Variants in WNT4 observed in about 807,000 individuals in gnomAD.
The protein encoded by WNT4 is protein Wnt-4.
A neutral mutation model predicts 34.5 loss-of-function variants in WNT4; 16 were observed. That is an observed-to-expected ratio of 0.46 (90% CI 0.31 to 0.70). The LOEUF is 0.70. Among genes scored for constraint, WNT4 ranks in the 30% least tolerant of loss-of-function variants. The pLI is 0.04. For synonymous variants in WNT4, 200 were observed against 211.9 expected (o/e 0.94, Z 0.49); for missense variants, 379 against 495.9 (o/e 0.76, Z 2.24).
rs187289861 is a variant in WNT4, at chr1:22,134,031, G to A, written c.78-4180C>T. ...CTCTGCGACTCCTCCCAGCTCTTAC[G>A]CTGTGAGTCAAGAGGAGAGGGGACG... On this transcript the variant is annotated intron_variant, in intron 1 of 4. Transcript: ENST00000290167. This position sits in a 1 kb window ranked among gnomAD's most constrained non-coding sequence, Gnocchi z 4.1. Among the ~76,000 whole-genome samples, 328 of 152,254 alleles carry A rather than the reference G, an allele frequency of 2.2e-3. No individual in the cohort carries two copies. Among genetic ancestry groups the A allele is most frequent in the Non-Finnish European group, 3.7e-3 (253 of 68,036 alleles).
chr1:22,129,906 C>T (rs949221468), intron 1 of WNT4, 55 bp from the exon 2 acceptor site: 21 of 1,588,488 alleles, frequency 1.3e-5, no homozygotes, highest in East Asian at 4.5e-5. Flanking sequence ...TTCCTGGCCC[C>T]GGACCAGGCC....
At position 22,139,126 on chromosome 1, in the gene WNT4, G is replaced by A. The variant is rs964210133; in HGVS notation, c.77+3720C>T. 1.3e-5 allele frequency among the ~76,000 whole-genome samples: 2 copies of A among 152,194 alleles called. No individual in the cohort carries two copies. The highest frequency in any genetic ancestry group is 4.8e-5 in the African/African-American group (2 of 41,454). On this transcript the variant is annotated intron_variant, in intron 1 of 4. Transcript: ENST00000290167. The surrounding 1 kb of genome is among the most constrained non-coding windows in gnomAD (Gnocchi z 4.6). ...CTAGGATCCTACCTGTGTTAAATCA[G>A]TGGATCTGGGTGGGACAGCCTGGGA...
Position 22,142,312 on chromosome 1 carries a change from C to T in WNT4, c.77+534G>A, listed in dbSNP as rs898785315. Among the ~76,000 whole-genome samples the T allele has an allele frequency of 3.9e-5, 6 of 152,040 alleles. No individual in the cohort carries two copies. Among genetic ancestry groups the T allele is most frequent in the African/African-American group, 1.4e-4 (6 of 41,404 alleles). On this transcript the variant is annotated intron_variant, in intron 1 of 4. Coordinates refer to ENST00000290167, the MANE Select transcript of WNT4 (RefSeq NM_030761.5). The surrounding 1 kb of genome is among the most constrained non-coding windows in gnomAD (Gnocchi z 6.0). ...CCCTGGGAGACCAGGCGTCCTGGTC[C>T]CTTCCTTCTGTCTCCGGCTCCCGCC... is the stretch of plus-strand genomic sequence containing the variant.
intron 1 of WNT4, among the ~76,000 whole-genome samples, chr1:22,141,926 G>C (rs1400944482): frequency 6.6e-6 from 1 of 152,200 alleles, no homozygotes; most frequent in African/African-American, 2.4e-5. Flanking sequence ...TGCCCACAGC[G>C]GATGGTGGCA....
chr1:22,140,046 CCCTT>C lies in WNT4; in HGVS notation c.77+2796_77+2799del. The C allele has an allele frequency of 9.6e-6, 4 of 418,834 alleles. No homozygotes were observed. The highest frequency in any genetic ancestry group is 1.3e-5 in the Non-Finnish European group (4 of 311,872). 25.9% of individuals were successfully genotyped at this position (418,834 alleles called of 1,614,324 possible). A position where few individuals can be genotyped will look rare whatever the true frequency, so the allele number is the denominator to read the frequency against. On this transcript the variant is annotated intron_variant, in intron 1 of 4. Transcript: ENST00000290167. The surrounding 1 kb of genome is among the most constrained non-coding windows in gnomAD (Gnocchi z 5.9). ...CCTGGCCTCCCCACCAGGCCACCTG[CCCTT>C]CTGAGACAACAGATAGTCCTGGCTC...
At chr1:22,121,802 A>ATTCAG (rs1645901009) in intron 2 of WNT4, among the ~76,000 whole-genome samples, 1 of 152,206 alleles carries the variant, frequency 6.6e-6, no homozygotes, top group Non-Finnish European at 1.5e-5. Flanking sequence ...AAACGTGCAG[A>ATTCAG]TGCTGTCATC....
In WNT4 at chr1:22,139,756, A is replaced by G. The variant is rs1646051161; in HGVS notation, c.77+3090T>C. Among the ~76,000 whole-genome samples the G allele has an allele frequency of 3.9e-5, 6 of 152,282 alleles. No homozygotes were observed. The South Asian group carries it at 1.2e-3, about 32-fold the overall frequency. On this transcript the variant is annotated intron_variant, in intron 1 of 4. Transcript: ENST00000290167. The surrounding 1 kb of genome is among the most constrained non-coding windows in gnomAD (Gnocchi z 4.6). The stretch of plus-strand genomic sequence containing the variant: ...TCCCGGTACAGCCTCAGTGCAGGGA[A>G]GAGGGGACATTAGAAACATTTCTGA...
At chr1:22,141,649 C>T (rs532576263) in intron 1 of WNT4, among the ~76,000 whole-genome samples, 2 of 152,318 alleles carry the variant, frequency 1.3e-5, no homozygotes, top group African/African-American at 4.8e-5. Context: ...TCCACATCAC[C>T]TCCGTCCCCC....
At chr1:22,123,662 A>T (rs927588891) in intron 2 of WNT4, among the ~76,000 whole-genome samples, 2 of 152,188 alleles carry the variant, frequency 1.3e-5, no homozygotes, top group Non-Finnish European at 2.9e-5. Flanking sequence ...TTGTCCAACA[A>T]TACCCAGCCA....
At position 22,134,126 on chromosome 1, in the gene WNT4, G is replaced by C. The variant is rs1646004194; in HGVS notation, c.78-4275C>G. On this transcript the variant is annotated intron_variant, in intron 1 of 4. Transcript: ENST00000290167. The surrounding 1 kb of genome is among the most constrained non-coding windows in gnomAD (Gnocchi z 4.1). The stretch of plus-strand genomic sequence containing the variant: ...GGGTCCCGGCCCTGCGGGTGTCCAG[G>C]TGGGGGCTGGGACGCCAGCGCAGGC... Among the ~76,000 whole-genome samples, 2 of 152,234 alleles carry C rather than the reference G, an allele frequency of 1.3e-5. No individual in the cohort carries two copies. Among genetic ancestry groups the C allele is most frequent in the South Asian group, 4.1e-4 (2 of 4,830 alleles).
At chr1:22,121,653 A>G (rs1332053079) in intron 2 of WNT4, 77 bp from the exon 3 acceptor site, 1 of 1,570,322 alleles carries the variant, frequency 6.4e-7, no homozygotes, top group East Asian at 2.3e-5. Flanking sequence ...GGGGAGGGGC[A>G]TATGGAGCCT....
At position 22,129,927 on chromosome 1, in the gene WNT4, C is replaced by T. The variant is rs563198636; in HGVS notation, c.78-76G>A. 48 of 1,548,956 alleles carry T rather than the reference C, an allele frequency of 3.1e-5. No homozygotes were observed. The African/African-American group carries it at 5.8e-4, about 19-fold the overall frequency. On this transcript the variant is annotated intron_variant, in intron 1 of 4. Coordinates refer to ENST00000290167, the MANE Select transcript of WNT4 (RefSeq NM_030761.5). ...GCCCCGGACCAGGCCTGAGCTCCAG[C>T]CCGGGTCTCTGGGAACTGACTCGTC...
In WNT4 at chr1:22,142,452, A is replaced by G. The variant is rs1646077539; in HGVS notation, c.77+394T>C. Among the ~76,000 whole-genome samples the G allele has an allele frequency of 6.6e-6, 1 of 152,104 alleles. No homozygotes were observed. Among genetic ancestry groups the G allele is most frequent in the Admixed American group, 6.5e-5 (1 of 15,284 alleles). Reference sequence around the variant, plus strand: ...GACTTCTCGGGATTAACCTGCTATTATGTCCCGGAGCCCTTCCCTGCAATG... The same window carrying G: ...GACTTCTCGGGATTAACCTGCTATTGTGTCCCGGAGCCCTTCCCTGCAATG... On this transcript the variant is annotated intron_variant, in intron 1 of 4. Transcript: ENST00000290167. This position sits in a 1 kb window ranked among gnomAD's most constrained non-coding sequence, Gnocchi z 6.0.
chr1:22,121,029 CGCCT>C (rs1413230355), intron 4 of WNT4, among the ~76,000 whole-genome samples, 178 bp downstream of exon 4: 1 of 152,124 alleles, frequency 6.6e-6, no homozygotes, highest in African/African-American at 2.4e-5. Context: ...CATTCTGTAA[CGCCT>C]GCCTGCCTGT....
Position 22,140,128 on chromosome 1 carries a change from G to A in WNT4, c.77+2718C>T, listed in dbSNP as rs759777836. On this transcript the variant is annotated intron_variant, in intron 1 of 4. Transcript: ENST00000290167. This position sits in a 1 kb window ranked among gnomAD's most constrained non-coding sequence, Gnocchi z 5.9. ...GACTCCAGGGTATTGGGAGGCGAGC[G>A]GAACCTAGACCTTGCTCCTTGGCAG... The A allele has an allele frequency of 3.6e-5, 35 of 965,944 alleles. No individual in the cohort carries two copies. The highest frequency in any genetic ancestry group is 5.3e-4 in the Middle Eastern group (1 of 1,904). The allele number at this position is 965,944 out of a possible 1,614,324, so 59.8% of individuals were successfully genotyped here.
chr1:22,123,341 A>T (rs904967493), intron 2 of WNT4, among the ~76,000 whole-genome samples: 1 of 152,050 alleles, frequency 6.6e-6, no homozygotes, highest in Admixed American at 6.5e-5. Flanking sequence ...GCCACCAGGG[A>T]GGTTGCTCAG....
intron 1 of WNT4, among the ~76,000 whole-genome samples, chr1:22,130,141 G>T (rs1645972082): frequency 6.6e-6 from 1 of 152,190 alleles, no homozygotes. Flanking sequence ...CCCTGCCCTG[G>T]CAGCCCCCGT....
In WNT4 at chr1:22,140,099, C is replaced by A; in HGVS notation, c.77+2747G>T. ...TCTCGCCACTGGCCAGCAGACCCAC[C>A]CTGGACTCCAGGGTATTGGGAGGCG... On this transcript the variant is annotated intron_variant, in intron 1 of 4. Transcript: ENST00000290167. This position sits in a 1 kb window ranked among gnomAD's most constrained non-coding sequence, Gnocchi z 5.9. The A allele has an allele frequency of 1.2e-6, 1 of 868,018 alleles. No individual in the cohort carries two copies. The allele number at this position is 868,018 out of a possible 1,614,324, so 53.8% of individuals were successfully genotyped here. A position where few individuals can be genotyped will look rare whatever the true frequency, so the allele number is the denominator to read the frequency against.
At position 22,117,671 on chromosome 1, in the gene WNT4, G is replaced by A. The variant is rs1645860092; in HGVS notation, c.*2379C>T. ...CTTTGATCTCTGCAGCACTGGCGGT[G>A]GTTGGCCTGGGCAGTGGTTCCTAGA... On this transcript the variant is annotated 3_prime_UTR_variant, in exon 5 of 5. Coordinates refer to ENST00000290167, the MANE Select transcript of WNT4 (RefSeq NM_030761.5). The A allele has an allele frequency of 6.6e-6, 1 of 152,378 alleles. No homozygotes were observed. Among genetic ancestry groups the A allele is most frequent in the African/African-American group, 2.4e-5 (1 of 41,468 alleles). 9.4% of individuals were successfully genotyped at this position (152,378 alleles called of 1,614,324 possible).
Sources: gnomAD v4.1 joint callset for allele counts (sites outside exome capture counted in the v4.1 genomes callset) on GRCh38, gnomAD v4.1.1 for gene constraint, Gnocchi (gnomAD v3.1) non-coding constraint, MANE v1.5 for transcripts, NCBI Gene and HGNC (gene_info 2026-07-23, HGNC 2026-07-21) for gene names.